The following SPOCK3 variants were observed in gnomAD, a reference collection of about 807,000 sequenced individuals.
SPOCK3 encodes the protein SPARC (osteonectin), cwcv and kazal like domains proteoglycan 3, also known as testican-3.
SPOCK3 carries 30 observed loss-of-function variants against 56.6 expected under a neutral mutation model. That is an observed-to-expected ratio of 0.53 (90% CI 0.40 to 0.72). The LOEUF (loss-of-function observed/expected upper bound fraction) is 0.72. Ranked by LOEUF, SPOCK3 falls within the 30% of genes least tolerant of loss-of-function variation. The probability of loss-of-function intolerance (pLI) is 0.00; values close to 1 mark genes in which losing one functional copy is unlikely to be tolerated. For synonymous variants in SPOCK3, 196 were observed against 183.3 expected, an observed-to-expected ratio of 1.07 and a Z score of -0.56; for missense variants, 527 against 530.0, an observed-to-expected ratio of 0.99 and a Z score of 0.06.
chr4:166,776,726 G>A (rs1312685499), intron 7 of SPOCK3, among the ~76,000 whole-genome samples: 2 of 152,092 alleles, frequency 1.3e-5, no homozygotes, highest in African/African-American at 4.8e-5. Flanking sequence ...TATCCTACGT[G>A]TCCTGATGAA....
intron 2 of SPOCK3, among the ~76,000 whole-genome samples, chr4:167,097,362 A>G (rs1014765670): frequency 6.6e-6 from 1 of 151,532 alleles, no homozygotes; most frequent in Non-Finnish European, 1.5e-5. Flanking sequence ...AATCTTCTCT[A>G]GTATCTTCAT....
intron 4 of SPOCK3, among the ~76,000 whole-genome samples, chr4:166,953,484 G>T (rs1329545920): frequency 5.9e-5 from 9 of 151,566 alleles, no homozygotes; most frequent in East Asian, 5.8e-4. Flanking sequence ...TACACTGTTG[G>T]TGGGACTGTA....
intron 4 of SPOCK3, among the ~76,000 whole-genome samples, chr4:166,913,325 G>GA (rs1041535368): frequency 1.2e-4 from 18 of 151,992 alleles, no homozygotes; most frequent in Admixed American, 7.2e-4. Context: ...AGAATAACTG[G>GA]AAAAAAATCC....
At chr4:167,021,265 C>A (rs982647296) in intron 3 of SPOCK3, among the ~76,000 whole-genome samples, 1 of 151,988 alleles carries the variant, frequency 6.6e-6, no homozygotes, top group African/African-American at 2.4e-5. Context: ...CTATTTAAGT[C>A]ATCTTATATA....
chr4:166,897,444 T>A (rs1203403088), intron 5 of SPOCK3, among the ~76,000 whole-genome samples: 1 of 152,142 alleles, frequency 6.6e-6, no homozygotes, highest in Non-Finnish European at 1.5e-5. Context: ...TATCTCTGCA[T>A]GAGCAAAGGT....
Position 166,737,594 on chromosome 4 carries a change from G to T in SPOCK3, c.1005C>A (p.Ile335=). The change falls in exon 10 of 11, where the codon ATC becomes ATA. Residue 335 remains isoleucine (I), a synonymous_variant. Transcript: ENST00000357545. ...AGTAACCATCTTCATCACACAGGGG[G>T]ATATACTGTCCTGTTGAAACAACAC... ...QGVKKLLGQY[I]PLCDEDGYYK... is the part of the protein sequence containing the mutation. 6.2e-7 allele frequency: 1 copy of T among 1,611,068 alleles called. No individual in the cohort carries two copies. The highest frequency in any genetic ancestry group is 8.5e-7 in the Non-Finnish European group (1 of 1,178,766).
chr4:167,109,689 A>T (rs2150344587), intron 2 of SPOCK3, among the ~76,000 whole-genome samples: 1 of 149,294 alleles, frequency 6.7e-6, no homozygotes, highest in South Asian at 2.1e-4. Flanking sequence ...GAAGCATACA[A>T]AAGTATATGC....
At position 166,842,918 on chromosome 4, in the gene SPOCK3, C is replaced by T. The variant is rs530725613; in HGVS notation, c.589+46212G>A. Among the ~76,000 whole-genome samples the T allele has an allele frequency of 1.4e-3, 211 of 152,292 alleles. 1 individual carries two copies. Among genetic ancestry groups the T allele is most frequent in the African/African-American group, 4.7e-3 (195 of 41,576 alleles). ...GTGCCCATCGAGGGGGTTTGGGCTG[C>T]GGGGGACCCCACAGTCAGGCATGGC... is the stretch of plus-strand genomic sequence containing the variant. On this transcript the variant is annotated intron_variant, in intron 6 of 10. Transcript: ENST00000357545.
chr4:166,795,303 T>C (rs1199392180), intron 6 of SPOCK3, among the ~76,000 whole-genome samples: 1 of 152,180 alleles, frequency 6.6e-6, no homozygotes, highest in African/African-American at 2.4e-5. Flanking sequence ...GTAATATATC[T>C]ACACAGAAAT....
chr4:167,137,641 A>G (rs1763229375), intron 2 of SPOCK3, among the ~76,000 whole-genome samples: 2 of 151,962 alleles, frequency 1.3e-5, no homozygotes, highest in South Asian at 4.1e-4. Context: ...ATAAAGGGGT[A>G]TCACTTTTTA....
chr4:166,931,533 A>G (rs894308692), intron 4 of SPOCK3, among the ~76,000 whole-genome samples: 1 of 152,190 alleles, frequency 6.6e-6, no homozygotes, highest in African/African-American at 2.4e-5. Flanking sequence ...ACAGAGATTT[A>G]TGCATATCTT....
At chr4:167,198,085 G>T (rs1247927072) in intron 2 of SPOCK3, among the ~76,000 whole-genome samples, 1 of 152,108 alleles carries the variant, frequency 6.6e-6, no homozygotes, top group African/African-American at 2.4e-5. Flanking sequence ...CCCTAAAACA[G>T]AATATAGCTG....
intron 2 of SPOCK3, among the ~76,000 whole-genome samples, chr4:167,112,519 T>C (rs1017356877): frequency 1.1e-4 from 16 of 152,162 alleles, no homozygotes; most frequent in African/African-American, 2.9e-4. Flanking sequence ...CAGGAAAACA[T>C]AGGGATTGAG....
At chr4:167,035,980 C>G (rs1219616007) in intron 3 of SPOCK3, among the ~76,000 whole-genome samples, 3 of 152,132 alleles carry the variant, frequency 2.0e-5, no homozygotes, top group Admixed American at 1.3e-4. Context: ...TTCACCATAG[C>G]TTAAATATCA....
chr4:167,022,988 T>C (rs1294278084), intron 3 of SPOCK3, among the ~76,000 whole-genome samples: 2 of 152,082 alleles, frequency 1.3e-5, no homozygotes, highest in Admixed American at 6.6e-5. Flanking sequence ...CCCAAGGTCT[T>C]TCCTCCAGTC....
At position 167,031,637 on chromosome 4, in the gene SPOCK3, T is replaced by A. The variant is rs569608629; in HGVS notation, c.235+30855A>T. On this transcript the variant is annotated intron_variant, in intron 3 of 10. Coordinates refer to ENST00000357545, the MANE Select transcript of SPOCK3 (RefSeq NM_001040159.2). ...ATTAAAACATTGAGCAAAGAAAAAC[T>A]AGAGACAAGACCGGGCATGAAGTAG... 2.0e-4 allele frequency among the ~76,000 whole-genome samples: 30 copies of A among 152,018 alleles called. No individual in the cohort carries two copies. The South Asian group carries it at 3.7e-3, about 19-fold the overall frequency.
At chr4:167,008,248 A>G (rs1486609893) in intron 3 of SPOCK3, among the ~76,000 whole-genome samples, 1 of 152,010 alleles carries the variant, frequency 6.6e-6, no homozygotes, top group Non-Finnish European at 1.5e-5. Flanking sequence ...TTAATATTCT[A>G]TTGTAATGTT....
At chr4:167,009,266 T>C (rs115911989) in intron 3 of SPOCK3, among the ~76,000 whole-genome samples, 4 of 152,110 alleles carry the variant, frequency 2.6e-5, no homozygotes, top group Non-Finnish European at 5.9e-5. Context: ...TCTTGGGTAA[T>C]GCAAAGAAAA....
At chr4:167,155,103 C>A (rs1285352909) in intron 2 of SPOCK3, among the ~76,000 whole-genome samples, 1 of 151,534 alleles carries the variant, frequency 6.6e-6, no homozygotes, top group Non-Finnish European at 1.5e-5. Context: ...ATAATTTATT[C>A]AAAAATTTTG....
Sources: allele counts gnomAD v4.1 joint callset (sites outside exome capture counted in the v4.1 genomes callset), GRCh38; gene constraint gnomAD v4.1.1; transcripts MANE v1.5; gene names NCBI Gene and HGNC (gene_info 2026-07-23, HGNC 2026-07-21).